The following ZNF18 variants were observed in gnomAD, a reference collection of about 807,000 sequenced individuals.
ZNF18 encodes heart development-specific gene 1 protein.
ZNF18 carries 42 observed loss-of-function variants against 58.1 expected under a neutral mutation model. That is an observed-to-expected ratio of 0.72 (90% CI 0.56 to 0.93). The LOEUF (loss-of-function observed/expected upper bound fraction) is 0.93, where lower values mean the gene tolerates loss of function less well. Among genes scored for constraint, ZNF18 ranks in the 40% least tolerant of loss-of-function variants. The pLI is 0.00. For missense variants in ZNF18, 540 were observed against 644.2 expected (o/e 0.84, Z 1.75); for synonymous variants, 231 against 239.8 (o/e 0.96, Z 0.34).
the ZNF18 span, among the ~76,000 whole-genome samples, chr17:12,018,838 A>G: frequency 6.6e-6 from 1 of 152,030 alleles, no homozygotes; most frequent in African/African-American, 2.4e-5. Flanking sequence ...AGGTATTCTT[A>G]AAAATAAGAT....
chr17:11,982,158 G>A (rs1490100386), intron 6 of ZNF18, among the ~76,000 whole-genome samples: 1 of 152,100 alleles, frequency 6.6e-6, no homozygotes, highest in Non-Finnish European at 1.5e-5. Context: ...CCTGATCTTG[G>A]ACTTCCCAAC....
chr17:12,005,359 T>C, the ZNF18 span, among the ~76,000 whole-genome samples: 1 of 152,138 alleles, frequency 6.6e-6, no homozygotes, highest in Non-Finnish European at 1.5e-5. Context: ...ATATTCCGTA[T>C]AAAAAGTTTT....
the ZNF18 span, among the ~76,000 whole-genome samples, chr17:12,018,590 G>A: frequency 6.6e-6 from 1 of 152,288 alleles, no homozygotes; most frequent in South Asian, 2.1e-4. Context: ...ACTCCAACAT[G>A]TAAATTTGGT....
the ZNF18 span, among the ~76,000 whole-genome samples, chr17:12,004,101 C>A: frequency 3.3e-5 from 5 of 152,260 alleles, no homozygotes; most frequent in East Asian, 9.7e-4. Context: ...TGCAGTGGCA[C>A]ACGCCTGTAA....
chr17:12,010,463 T>C, the ZNF18 span, among the ~76,000 whole-genome samples: 18 of 152,086 alleles, frequency 1.2e-4, no homozygotes, highest in Non-Finnish European at 2.4e-4. Flanking sequence ...CTCGCCAGTC[T>C]GGAGTGCAGT....
rs566420474 is a variant in ZNF18 at position 11,978,370 on chromosome 17, A to G, written c.1237T>C (p.Cys413Arg). 6.4e-7 allele frequency: 1 copy of G among 1,560,066 alleles called. No homozygotes were observed. The highest frequency in any genetic ancestry group is 2.2e-5 in the East Asian group (1 of 44,572). ...MAQKLPTCRE[C>R]GKTFYRNSQL... ...GAATTCCTATAAAAGGTCTTCCCAC[A>G]CTCCCTGCAGGTGGGGAGCTTCTGG... The change falls in exon 7 of 7, where the codon TGT becomes CGT. Residue 413 changes from cysteine (C) to arginine (R), a missense_variant. By Grantham distance (180) the Cys-to-Arg change is radical. Transcript: ENST00000580306.
the ZNF18 span, among the ~76,000 whole-genome samples, chr17:12,003,832 C>G: frequency 6.6e-6 from 1 of 152,192 alleles, no homozygotes; most frequent in South Asian, 2.1e-4. Context: ...TTGAATACAA[C>G]GGACTGGCCA....
In ZNF18 at chr17:11,983,308, G is replaced by T. The variant is rs200854003; in HGVS notation, c.851C>A (p.Pro284His). The change falls in exon 6 of 7, where the codon CCC becomes CAC. Residue 284 changes from proline (P) to histidine (H), a missense_variant. By Grantham distance (77) the Pro-to-His change is moderately conservative. Transcript: ENST00000580306. ...YLHVNEKIPRPTCIGDRQEND... is the reference protein window; with the variant it reads ...YLHVNEKIPRHTCIGDRQEND... ...GAAAGATTACTCACCTATGCAGGTG[G>T]GTCTTGGGATCTTCTCATTGACATG... 1.2e-6 allele frequency: 2 copies of T among 1,606,576 alleles called. No individual in the cohort carries two copies. The highest frequency in any genetic ancestry group is 2.2e-5 in the South Asian group (2 of 90,916).
chr17:12,002,884 T>C, the ZNF18 span, among the ~76,000 whole-genome samples: 2 of 152,124 alleles, frequency 1.3e-5, no homozygotes, highest in South Asian at 4.1e-4. Context: ...GATATCAGTG[T>C]AAGCTGTGTG....
At chr17:12,006,254 C>T in the ZNF18 span, among the ~76,000 whole-genome samples, 1 of 152,240 alleles carries the variant, frequency 6.6e-6, no homozygotes, top group East Asian at 1.9e-4. Context: ...AATTAACTGG[C>T]AATCAGGAGG....
the ZNF18 span, among the ~76,000 whole-genome samples, chr17:12,014,945 G>C: frequency 6.6e-6 from 1 of 152,076 alleles, no homozygotes; most frequent in Non-Finnish European, 1.5e-5. Context: ...CTACTCGGGA[G>C]GCTGATGCAG....
the ZNF18 span, among the ~76,000 whole-genome samples, chr17:12,019,104 G>A: frequency 6.6e-6 from 1 of 151,702 alleles, no homozygotes; most frequent in African/African-American, 2.4e-5. Flanking sequence ...ATAGGTACCT[G>A]CCACCACACC....
chr17:11,984,006 C>A, intron 5 of ZNF18, 107 bp downstream of exon 5: 1 of 1,000,392 alleles, frequency 1.0e-6, no homozygotes, highest in East Asian at 2.6e-5. Context: ...CGATTTCTTT[C>A]ACCTGGCGAT....
the ZNF18 span, among the ~76,000 whole-genome samples, chr17:12,018,550 T>C: frequency 6.6e-6 from 1 of 152,324 alleles, no homozygotes; most frequent in East Asian, 1.9e-4. Context: ...TTTCCAAATA[T>C]AGTCCCATTC....
the ZNF18 span, among the ~76,000 whole-genome samples, chr17:12,011,932 C>T: frequency 2.6e-5 from 4 of 152,006 alleles, no homozygotes; most frequent in African/African-American, 9.7e-5. Flanking sequence ...AACTCCTGAC[C>T]TCGTGATCTG....
upstream of ZNF18, among the ~76,000 whole-genome samples, chr17:11,999,401 G>T (rs912367368): frequency 6.6e-6 from 1 of 152,194 alleles, no homozygotes; most frequent in Admixed American, 6.5e-5. Flanking sequence ...CTGGTAGATG[G>T]TTCCTGATAT....
the ZNF18 span, among the ~76,000 whole-genome samples, chr17:12,008,184 T>A: frequency 6.6e-6 from 1 of 152,216 alleles, no homozygotes; most frequent in Non-Finnish European, 1.5e-5. Flanking sequence ...TACAGGGTTC[T>A]ATCCAAGATC....
chr17:12,017,909 C>T, the ZNF18 span, among the ~76,000 whole-genome samples: 2 of 151,962 alleles, frequency 1.3e-5, no homozygotes, highest in African/African-American at 4.8e-5. Context: ...TTTAGTCTAA[C>T]CATTGACATA....
chr17:12,006,889 G>GT, the ZNF18 span, among the ~76,000 whole-genome samples: 2 of 152,128 alleles, frequency 1.3e-5, no homozygotes, highest in Admixed American at 1.3e-4. Flanking sequence ...TATGTAAATT[G>GT]TAAGACATTC....
Sources: allele counts gnomAD v4.1 joint callset (sites outside exome capture counted in the v4.1 genomes callset), GRCh38; gene constraint gnomAD v4.1.1; transcripts MANE v1.5; gene names NCBI Gene and HGNC (gene_info 2026-07-23, HGNC 2026-07-21).